The following PPP6C variants were observed in gnomAD, a reference collection of about 807,000 sequenced individuals.
PPP6C encodes the protein serine/threonine-protein phosphatase 6 catalytic subunit.
In PPP6C, 11 loss-of-function variants were observed where a neutral mutation model predicts 39.8. The ratio of observed to expected loss-of-function variants is 0.28; its 90% CI spans 0.17 to 0.46. The LOEUF is 0.46. Ranked by LOEUF, PPP6C falls within the 20% of genes least tolerant of loss-of-function variation. PPP6C has a pLI of 1.00. For synonymous variants in PPP6C, 129 were observed against 130.3 expected (o/e 0.99, Z 0.07); for missense variants, 211 against 373.9 (o/e 0.56, Z 3.59).
chr9:125,185,239 CAT>C (rs527339119), intron 1 of PPP6C, among the ~76,000 whole-genome samples: 51 of 151,396 alleles, frequency 3.4e-4, no homozygotes, highest in South Asian at 1.3e-3. Flanking sequence ...TTTACTTTCA[CAT>C]ATGTCATTTT....
intron 6 of PPP6C, among the ~76,000 whole-genome samples, chr9:125,150,497 A>G: frequency 6.6e-6 from 1 of 151,854 alleles, no homozygotes; most frequent in Non-Finnish European, 1.5e-5. Flanking sequence ...TTTTAACTGA[A>G]AACAGTTGAA....
chr9:125,150,974 T>G, intron 6 of PPP6C: 1 of 1,322,982 alleles, frequency 7.6e-7, no homozygotes, highest in African/African-American at 1.4e-5. Flanking sequence ...TCAGCCAAGC[T>G]TGTTGCAAAC....
intron 1 of PPP6C, among the ~76,000 whole-genome samples, chr9:125,181,273 T>C (rs1483841199): frequency 2.6e-5 from 4 of 152,186 alleles, no homozygotes; most frequent in South Asian, 2.1e-4. Flanking sequence ...GGGTAAACTA[T>C]ACCCCTTTCT....
chr9:125,189,044 G>T, intron 1 of PPP6C: 2 of 915,150 alleles, frequency 2.2e-6, no homozygotes, highest in Non-Finnish European at 3.3e-6. Context: ...TCAGAAACGG[G>T]ATTCACCTCT....
chr9:125,167,397 A>AAAAAAAAAAAAAC lies in PPP6C; in HGVS notation c.171+3687_171+3688insGTTTTTTTTTTTT, dbSNP rs1564152126. On this transcript the variant is annotated intron_variant, in intron 2 of 6. Coordinates refer to ENST00000373547, the MANE Select transcript of PPP6C (RefSeq NM_002721.5). Reference sequence around the variant, plus strand: ...CCCTGTCCAAAAAAAAAAAAAAAAAAAAGAAATAAAAAAAAGGCCGGGCAT... The same window carrying AAAAAAAAAAAAAC: ...CCCTGTCCAAAAAAAAAAAAAAAAAAAAAAAAAAAAAACAAGAAATAAAAAAAAGGCCGGGCAT... 6.5e-4 allele frequency among the ~76,000 whole-genome samples: 84 copies of AAAAAAAAAAAAAC among 129,622 alleles called. 1 individual carries two copies. Among genetic ancestry groups the AAAAAAAAAAAAAC allele is most frequent in the African/African-American group, 2.3e-3 (77 of 33,946 alleles). 85.0% of individuals were successfully genotyped at this position (129,622 alleles called of 152,430 possible).
chr9:125,177,728 C>T (rs995291616), intron 1 of PPP6C, among the ~76,000 whole-genome samples: 1 of 152,156 alleles, frequency 6.6e-6, no homozygotes, highest in African/African-American at 2.4e-5. Flanking sequence ...ACTCCTACTG[C>T]ACATTCTATA....
Position 125,184,079 on chromosome 9 carries a change from C to T in PPP6C, c.75+5565G>A, listed in dbSNP as rs1167599622. Among the ~76,000 whole-genome samples, 9 of 152,196 alleles carry T rather than the reference C, an allele frequency of 5.9e-5. No homozygotes were observed. In the East Asian group the frequency reaches 9.7e-4, roughly 16 times the overall value. ...GACCAGCCTGGACAGCATAGCAAGACGCTATCCCTTAAAAAAATTTTTTTT... is the reference window on the plus strand; with the variant it reads ...GACCAGCCTGGACAGCATAGCAAGATGCTATCCCTTAAAAAAATTTTTTTT... On this transcript the variant is annotated intron_variant, in intron 1 of 6. Coordinates refer to ENST00000373547, the MANE Select transcript of PPP6C (RefSeq NM_002721.5).
Position 125,178,164 on chromosome 9 carries a change from T to C in PPP6C, c.76-6984A>G, listed in dbSNP as rs112610534. Reference sequence around the variant, plus strand: ...TAAGTTTACAACTCATTTGGGTAAATATCAAGGAGCAGGACTGCTGGATTA... The same window carrying C: ...TAAGTTTACAACTCATTTGGGTAAACATCAAGGAGCAGGACTGCTGGATTA... On this transcript the variant is annotated intron_variant, in intron 1 of 6. Transcript: ENST00000373547. Among the ~76,000 whole-genome samples the C allele has an allele frequency of 8.9e-3, 1,353 of 152,314 alleles. 18 individuals are homozygous for C. The highest frequency in any genetic ancestry group is 0.012 in the Non-Finnish European group (815 of 68,032).
chr9:125,158,555 T>C (rs1240690641), intron 3 of PPP6C, among the ~76,000 whole-genome samples, 173 bp from the exon 4 acceptor site: 1 of 152,214 alleles, frequency 6.6e-6, no homozygotes, highest in Non-Finnish European at 1.5e-5. Context: ...AAATTTTTTC[T>C]ATTAAATGTT....
chr9:125,171,229 T>A (rs774888766), intron 1 of PPP6C, 49 bp from the exon 2 acceptor site: 1 of 1,398,516 alleles, frequency 7.2e-7, no homozygotes, highest in Non-Finnish European at 9.8e-7. Context: ...ACATTAAAAC[T>A]AAAGATAAAA....
intron 2 of PPP6C, among the ~76,000 whole-genome samples, chr9:125,164,539 C>T (rs1316257546): frequency 6.6e-6 from 1 of 151,548 alleles, no homozygotes; most frequent in East Asian, 2.0e-4. Flanking sequence ...CTCTGTTTTT[C>T]ATATTTCAGA....
At chr9:125,188,148 G>A (rs904454016) in intron 1 of PPP6C, among the ~76,000 whole-genome samples, 6 of 152,188 alleles carry the variant, frequency 3.9e-5, no homozygotes, top group Non-Finnish European at 7.3e-5. Flanking sequence ...CACTTTGGGA[G>A]GCCGAGGCGG....
chr9:125,173,299 C>G (rs1829215244), intron 1 of PPP6C, among the ~76,000 whole-genome samples: 1 of 149,642 alleles, frequency 6.7e-6, no homozygotes, highest in Non-Finnish European at 1.5e-5. Flanking sequence ...TAATCCTCAG[C>G]TGAGGCTGAG....
intron 1 of PPP6C, among the ~76,000 whole-genome samples, chr9:125,184,510 C>G (rs12337294): frequency 1.3e-5 from 2 of 151,310 alleles, no homozygotes; most frequent in Non-Finnish European, 2.9e-5. Flanking sequence ...CAAGCTACAA[C>G]TGCACCACTG....
At chr9:125,167,379 CAAAAAAAA>C (rs758123351) in intron 2 of PPP6C, among the ~76,000 whole-genome samples, 2,242 of 56,130 alleles carry the variant, frequency 0.04, 106 homozygotes, top group African/African-American at 0.16. Flanking sequence ...AGACCCTGTC[CAAAAAAAA>C]AAAAAAAAAA....
In PPP6C at chr9:125,189,364, A is replaced by G. The variant is rs146240318; in HGVS notation, c.75+280T>C. Among the ~76,000 whole-genome samples, 197 of 152,320 alleles carry G rather than the reference A, an allele frequency of 1.3e-3. 2 individuals carry two copies. Among genetic ancestry groups the G allele is most frequent in the African/African-American group, 4.4e-3 (185 of 41,584 alleles). On this transcript the variant is annotated intron_variant, in intron 1 of 6. Transcript: ENST00000373547. ...GCCGAGCCTTCTAAATAAAGCTGTTACAGCTGCGGGTCCTGGGGCAGCCCG... is the reference window on the plus strand; with the variant it reads ...GCCGAGCCTTCTAAATAAAGCTGTTGCAGCTGCGGGTCCTGGGGCAGCCCG...
At chr9:125,173,450 C>G (rs1271692062) in intron 1 of PPP6C, among the ~76,000 whole-genome samples, 1 of 146,470 alleles carries the variant, frequency 6.8e-6, no homozygotes, top group Non-Finnish European at 1.5e-5. Flanking sequence ...GTGGGGTGCA[C>G]AGCTGTAATC....
In PPP6C at chr9:125,151,164, A is replaced by T. The variant is rs1835930584; in HGVS notation, c.670-1243T>A. On this transcript the variant is annotated intron_variant, in intron 6 of 6. Transcript: ENST00000373547. ...CTATTGTTTCATCTGATGCTGGTGGAGCTAAGAGAGTGACCTCCATTGCAG... is the reference window on the plus strand; with the variant it reads ...CTATTGTTTCATCTGATGCTGGTGGTGCTAAGAGAGTGACCTCCATTGCAG... 6 of 1,463,206 alleles carry T rather than the reference A, an allele frequency of 4.1e-6. No homozygotes were observed. In the South Asian group the frequency reaches 5.7e-5, roughly 14 times the overall value. 90.6% of individuals were successfully genotyped at this position (1,463,206 alleles called of 1,614,324 possible).
At chr9:125,156,494 G>C (rs1018875416) in intron 4 of PPP6C, among the ~76,000 whole-genome samples, 3 of 152,108 alleles carry the variant, frequency 2.0e-5, no homozygotes, top group African/African-American at 4.8e-5. Flanking sequence ...AGATGGTCTC[G>C]ATCTCCTGAC....
Sources: allele counts gnomAD v4.1 joint callset (sites outside exome capture counted in the v4.1 genomes callset), GRCh38; gene constraint gnomAD v4.1.1; transcripts MANE v1.5; gene names NCBI Gene and HGNC (gene_info 2026-07-23, HGNC 2026-07-21).